ZNF831: variants seen among roughly 807,000 people sequenced by gnomAD.
The protein encoded by ZNF831 is zinc finger protein 831.
Under a neutral mutation model 95.8 loss-of-function variants are expected in ZNF831, and 59 were observed. The ratio of observed to expected loss-of-function variants is 0.62; its 90% CI spans 0.50 to 0.77. The LOEUF is 0.77. Ranked by LOEUF, ZNF831 falls within the 30% of genes least tolerant of loss-of-function variation. The probability of loss-of-function intolerance (pLI) is 0.00; values close to 1 mark genes in which losing one functional copy is unlikely to be tolerated. For missense variants in ZNF831, 2,205 were observed against 2,164.0 expected (o/e 1.02, Z -0.38); for synonymous variants, 961 against 925.5 (o/e 1.04, Z -0.70).
intron 1 of ZNF831, among the ~76,000 whole-genome samples, chr20:59,189,754 G>T (rs554674598): frequency 6.6e-6 from 1 of 152,222 alleles, no homozygotes; most frequent in Admixed American, 6.5e-5. Context: ...CAGGTGATCC[G>T]CCCGCCTCGG....
intron 1 of ZNF831, among the ~76,000 whole-genome samples, chr20:59,130,947 T>C (rs1979334481): frequency 2.0e-5 from 3 of 152,148 alleles, no homozygotes; most frequent in Admixed American, 1.3e-4. Flanking sequence ...CTAGTAATCC[T>C]CTTATCACAG....
chr20:59,236,295 T>C (rs1299953313), intron 4 of ZNF831, among the ~76,000 whole-genome samples: 1 of 152,176 alleles, frequency 6.6e-6, no homozygotes, highest in Non-Finnish European at 1.5e-5. Context: ...TGCCCTTTTG[T>C]CCTCTTATAT....
chr20:59,240,309 T>A (rs1312115158), intron 4 of ZNF831, among the ~76,000 whole-genome samples: 6 of 152,212 alleles, frequency 3.9e-5, no homozygotes, highest in Non-Finnish European at 7.3e-5. Flanking sequence ...AGATCATAGA[T>A]GTCCTTTCCT....
intron 2 of ZNF831, among the ~76,000 whole-genome samples, chr20:59,153,084 C>T (rs1245553657): frequency 6.6e-6 from 1 of 152,082 alleles, no homozygotes; most frequent in Non-Finnish European, 1.5e-5. Context: ...GACCAAAATC[C>T]CACTTTGCCA....
intron 4 of ZNF831, among the ~76,000 whole-genome samples, chr20:59,223,656 A>G (rs951240191): frequency 3.3e-5 from 5 of 152,198 alleles, no homozygotes; most frequent in Non-Finnish European, 1.5e-5. Flanking sequence ...TGATAGTAAC[A>G]CTACACAAAA....
chr20:59,245,880 A>G (rs945987783), intron 4 of ZNF831, among the ~76,000 whole-genome samples: 1 of 152,248 alleles, frequency 6.6e-6, no homozygotes, highest in Non-Finnish European at 1.5e-5. Flanking sequence ...CATCTCAGGA[A>G]CAGAAATGGA....
chr20:59,239,737 G>T (rs570050368), intron 4 of ZNF831, among the ~76,000 whole-genome samples: 1 of 152,050 alleles, frequency 6.6e-6, no homozygotes, highest in Non-Finnish European at 1.5e-5. Context: ...TAGAGACAGC[G>T]TTTCACCATG....
At chr20:59,252,907 A>T in intron 4 of ZNF831, 71 bp from the exon 5 acceptor site, 1 of 1,509,816 alleles carries the variant, frequency 6.6e-7, no homozygotes, top group Non-Finnish European at 8.9e-7. Context: ...GTCATGGACA[A>T]CCTCCCAGGA....
chr20:59,231,426 T>TTTCC (rs1449110965), intron 4 of ZNF831, among the ~76,000 whole-genome samples: 1 of 152,208 alleles, frequency 6.6e-6, no homozygotes, highest in African/African-American at 2.4e-5. Flanking sequence ...CAGGCTAAGA[T>TTTCC]TTCCCTTATG....
chr20:59,244,299 A>T lies in ZNF831; in HGVS notation c.4028-8679A>T, dbSNP rs924633008. Among the ~76,000 whole-genome samples the T allele has an allele frequency of 6.6e-5, 10 of 152,218 alleles. No individual in the cohort carries two copies. The East Asian group carries it at 9.6e-4, about 15-fold the overall frequency. On this transcript the variant is annotated intron_variant, in intron 4 of 5. Transcript: ENST00000371030. ...AAAAATATATTTTTCTCTTCCTTTC[A>T]TGAATCTCTCAGTTTTTCTGTGCCT...
At position 59,189,089 on chromosome 20, in the gene ZNF831, G is replaced by A. The variant is rs187695335; in HGVS notation, c.-36-1895G>A. 3.7e-3 allele frequency among the ~76,000 whole-genome samples: 558 copies of A among 151,984 alleles called. 3 individuals are homozygous for A. Among genetic ancestry groups the A allele is most frequent in the Non-Finnish European group, 2.9e-3 (198 of 67,988 alleles). ...CCAGCTACTCAGGAGGCCGAGGCAA[G>A]AGAATAGCTTGAATCCAGGAGGCAG... On this transcript the variant is annotated intron_variant, in intron 1 of 5. Transcript: ENST00000371030.
chr20:59,235,875 G>A (rs1424155896), intron 4 of ZNF831, among the ~76,000 whole-genome samples: 1 of 152,202 alleles, frequency 6.6e-6, no homozygotes, highest in Non-Finnish European at 1.5e-5. Flanking sequence ...GTGAGCAAAA[G>A]GCCAGCTGAT....
chr20:59,211,743 G>A (rs1046640615), intron 4 of ZNF831, among the ~76,000 whole-genome samples: 2 of 151,876 alleles, frequency 1.3e-5, no homozygotes, highest in Non-Finnish European at 2.9e-5. Flanking sequence ...CCTGGATGGA[G>A]AGATCAGAGC....
intron 4 of ZNF831, among the ~76,000 whole-genome samples, chr20:59,252,162 A>T (rs1365006698): frequency 2.0e-5 from 3 of 152,238 alleles, no homozygotes; most frequent in Non-Finnish European, 4.4e-5. Context: ...GAATGGGAAA[A>T]GATGGATGGG....
chr20:59,212,703 C>G (rs899106360), intron 4 of ZNF831, among the ~76,000 whole-genome samples: 4 of 152,108 alleles, frequency 2.6e-5, no homozygotes, highest in Non-Finnish European at 5.9e-5. Context: ...AGGCATCTAC[C>G]TTATAATCCA....
At chr20:59,129,212 G>C (rs1051432517) in intron 1 of ZNF831, among the ~76,000 whole-genome samples, 15 of 152,146 alleles carry the variant, frequency 9.9e-5, no homozygotes, top group African/African-American at 3.4e-4. Context: ...ATTTGTGTGT[G>C]TGTATGTTGT....
At chr20:59,189,914 T>C (rs1983373904) in intron 1 of ZNF831, among the ~76,000 whole-genome samples, 1 of 152,224 alleles carries the variant, frequency 6.6e-6, no homozygotes, top group South Asian at 2.1e-4. Flanking sequence ...GAAATGTGCT[T>C]ATGGAGCTCC....
In ZNF831 at chr20:59,163,923, G is replaced by T. The variant is rs1158365069; in HGVS notation, c.-321G>T. 1.3e-5 allele frequency among the ~76,000 whole-genome samples: 2 copies of T among 152,132 alleles called. No homozygotes were observed. The highest frequency in any genetic ancestry group is 2.9e-5 in the Non-Finnish European group (2 of 68,020). ...CATAAAGGCCAAGCCACAGGAGGCT[G>T]CCCTCTTTTATTTTATTTTATTTTC... is the stretch of plus-strand genomic sequence containing the variant. On this transcript the variant is annotated 5_prime_UTR_variant, in exon 1 of 6. Coordinates refer to ENST00000371030, the MANE Select transcript of ZNF831 (RefSeq NM_178457.3).
At chr20:59,209,727 G>T (rs901201319) in intron 4 of ZNF831, among the ~76,000 whole-genome samples, 23 of 151,672 alleles carry the variant, frequency 1.5e-4, no homozygotes, top group African/African-American at 5.4e-4. Context: ...CTTTCTAGGG[G>T]TGATCCTTCC....
Sources: gnomAD v4.1 joint callset for allele counts (sites outside exome capture counted in the v4.1 genomes callset) on GRCh38, gnomAD v4.1.1 for gene constraint, MANE v1.5 for transcripts, NCBI Gene and HGNC (gene_info 2026-07-23, HGNC 2026-07-21) for gene names.